SPIDR: variants seen among roughly 807,000 people sequenced by gnomAD.
The protein encoded by SPIDR is scaffold protein involved in DNA repair, also known as DNA repair-scaffolding protein.
SPIDR carries 93 observed loss-of-function variants against 104.6 expected under a neutral mutation model. The observed-to-expected ratio is 0.89, with a 90% CI of 0.75 to 1.06. The LOEUF is 1.06. Ranked by LOEUF, SPIDR falls within the 50% of genes least tolerant of loss-of-function variation. The pLI is 0.00. For synonymous variants in SPIDR, 431 were observed against 416.9 expected (o/e 1.03, Z -0.41); for missense variants, 1,154 against 1,111.2 (o/e 1.04, Z -0.55).
At chr8:47,544,117 C>A (rs1158395587) in intron 8 of SPIDR, among the ~76,000 whole-genome samples, 2 of 151,752 alleles carry the variant, frequency 1.3e-5, no homozygotes, top group African/African-American at 4.8e-5. Flanking sequence ...GGTTGGGAGG[C>A]TTAGGGTTTT....
chr8:47,298,475 A>G (rs974930767), intron 5 of SPIDR, among the ~76,000 whole-genome samples: 2 of 152,122 alleles, frequency 1.3e-5, no homozygotes, highest in Non-Finnish European at 2.9e-5. Context: ...GCGTTTGTCA[A>G]TTTTGGCTTT....
chr8:47,297,998 G>A (rs988901256), intron 5 of SPIDR, among the ~76,000 whole-genome samples: 1 of 152,160 alleles, frequency 6.6e-6, no homozygotes, highest in Non-Finnish European at 1.5e-5. Flanking sequence ...GGGTCAAATG[G>A]TATTTCTAGT....
At position 47,653,929 on chromosome 8, in the gene SPIDR, A is replaced by AG. The variant is rs886090180; in HGVS notation, c.1545-19871dup. ...AAGAATTGTTTACACTATGGGAATAAGAGAAGTCTTCATATAAGACATGGA... is the reference window on the plus strand; with the variant it reads ...AAGAATTGTTTACACTATGGGAATAAGGAGAAGTCTTCATATAAGACATGGA... On this transcript the variant is annotated intron_variant, in intron 10 of 19. Transcript: ENST00000297423. The AG allele has an allele frequency of 3.1e-6, 3 of 961,020 alleles. No individual in the cohort carries two copies. In the Admixed American group the frequency reaches 1.8e-4, roughly 59 times the overall value. 59.5% of individuals were successfully genotyped at this position (961,020 alleles called of 1,614,324 possible). A position where few individuals can be genotyped will look rare whatever the true frequency, so the allele number is the denominator to read the frequency against.
intron 7 of SPIDR, among the ~76,000 whole-genome samples, chr8:47,411,928 T>G (rs899093713): frequency 6.6e-6 from 1 of 152,214 alleles, no homozygotes; most frequent in Non-Finnish European, 1.5e-5. Flanking sequence ...TCCCCATTTC[T>G]TGTTTTTGTC....
chr8:47,588,082 T>TATACAC (rs2060508049), intron 8 of SPIDR, among the ~76,000 whole-genome samples: 1 of 93,858 alleles, frequency 1.1e-5, no homozygotes, highest in Non-Finnish European at 2.1e-5. Flanking sequence ...TATATATATA[T>TATACAC]ATATACACGT....
chr8:47,616,273 A>G (rs952548336), intron 10 of SPIDR, among the ~76,000 whole-genome samples: 26 of 152,120 alleles, frequency 1.7e-4, no homozygotes, highest in African/African-American at 6.3e-4. Context: ...TCATTCTTTC[A>G]CCATTGAGTG....
At chr8:47,517,515 T>C (rs1326018855) in intron 8 of SPIDR, among the ~76,000 whole-genome samples, 3 of 152,146 alleles carry the variant, frequency 2.0e-5, no homozygotes, top group Admixed American at 1.3e-4. Context: ...AAGAGTGGGC[T>C]TCTCCCTCAT....
At chr8:47,370,646 C>T (rs1389267492) in intron 5 of SPIDR, among the ~76,000 whole-genome samples, 1 of 151,434 alleles carries the variant, frequency 6.6e-6, no homozygotes, top group Non-Finnish European at 1.5e-5. Context: ...GACAGGGTTT[C>T]ACCATGTTGG....
chr8:47,609,046 A>G (rs891007327), intron 10 of SPIDR, among the ~76,000 whole-genome samples: 5 of 152,128 alleles, frequency 3.3e-5, no homozygotes, highest in Non-Finnish European at 5.9e-5. Context: ...TTCATAGGCT[A>G]TTGGCCATTT....
chr8:47,723,013 TTTG>T (rs1290861449), intron 16 of SPIDR, among the ~76,000 whole-genome samples: 3 of 151,956 alleles, frequency 2.0e-5, no homozygotes, highest in Non-Finnish European at 2.9e-5. Flanking sequence ...CCAGTTAATT[TTTG>T]TTGTTGTTAT....
intron 8 of SPIDR, among the ~76,000 whole-genome samples, chr8:47,447,494 G>T (rs1004070927): frequency 6.6e-6 from 1 of 152,188 alleles, no homozygotes; most frequent in Non-Finnish European, 1.5e-5. Flanking sequence ...GACTACAGGC[G>T]TGAGCCACCG....
chr8:47,640,678 T>TTTG (rs60369030), intron 10 of SPIDR, among the ~76,000 whole-genome samples: 150,658 of 150,702 alleles, frequency 1, 75,307 homozygotes, highest in Middle Eastern at 1. Context: ...TTGTTTGTTT[T>TTTG]TTGTTGTTGT....
intron 8 of SPIDR, among the ~76,000 whole-genome samples, chr8:47,554,135 G>T (rs1205805093): frequency 6.6e-6 from 1 of 151,978 alleles, no homozygotes; most frequent in South Asian, 2.1e-4. Context: ...GGGGCACCTG[G>T]CTATATGAGG....
At chr8:47,348,119 A>G (rs1554619599) in intron 5 of SPIDR, among the ~76,000 whole-genome samples, 1 of 152,106 alleles carries the variant, frequency 6.6e-6, no homozygotes, top group Admixed American at 6.5e-5. Context: ...TGCTTCCTTC[A>G]GGAGTTCTTT....
intron 10 of SPIDR, among the ~76,000 whole-genome samples, chr8:47,604,221 T>G (rs1253429053): frequency 6.6e-6 from 1 of 152,214 alleles, no homozygotes; most frequent in Admixed American, 6.5e-5. Context: ...TATTTAAGTT[T>G]AGGTGTTAGG....
chr8:47,592,089 G>A (rs922856692), intron 8 of SPIDR: 12 of 1,245,286 alleles, frequency 9.6e-6, no homozygotes, highest in Middle Eastern at 2.1e-4. Flanking sequence ...CAAACAAAAA[G>A]GAGGAAGTCT....
At chr8:47,457,033 T>G (rs2073101480) in intron 8 of SPIDR, among the ~76,000 whole-genome samples, 1 of 152,220 alleles carries the variant, frequency 6.6e-6, no homozygotes, top group African/African-American at 2.4e-5. Context: ...TGGTTCCACA[T>G]TTTTGCAATT....
intron 1 of SPIDR, among the ~76,000 whole-genome samples, chr8:47,261,219 C>G (rs1230791115): frequency 6.6e-6 from 1 of 152,114 alleles, no homozygotes; most frequent in Non-Finnish European, 1.5e-5. Context: ...CCCTCAGCGG[C>G]GGTACGGAAA....
chr8:47,387,262 G>A (rs2060066554), intron 5 of SPIDR, among the ~76,000 whole-genome samples: 1 of 152,192 alleles, frequency 6.6e-6, no homozygotes, highest in Admixed American at 6.5e-5. Context: ...GGGAGCAGGG[G>A]CCACCTGAGG....
Sources: allele counts gnomAD v4.1 joint callset (sites outside exome capture counted in the v4.1 genomes callset), GRCh38; gene constraint gnomAD v4.1.1; transcripts MANE v1.5; gene names NCBI Gene and HGNC (gene_info 2026-07-23, HGNC 2026-07-21).